EIF2D: variants seen among roughly 807,000 people sequenced by gnomAD.
EIF2D encodes eukaryotic translation initiation factor 2D, also known as hepatocellular carcinoma-associated antigen 56.
Under a neutral mutation model 77.4 loss-of-function variants are expected in EIF2D, and 56 were observed. That is an observed-to-expected ratio of 0.72 (90% CI 0.58 to 0.90). The LOEUF (loss-of-function observed/expected upper bound fraction) is 0.90. Ranked by LOEUF, EIF2D falls within the 40% of genes least tolerant of loss-of-function variation. The pLI is 0.00. For synonymous variants in EIF2D, 230 were observed against 271.0 expected, an observed-to-expected ratio of 0.85 and a Z score of 1.49; for missense variants, 574 against 706.5, an observed-to-expected ratio of 0.81 and a Z score of 2.13.
chr1:206,599,116 G>A lies in EIF2D; in HGVS notation c.1203-24C>T. ...TCCTAGGTGAGGAGAAGTGACCCAG[G>A]GGTTAGTTCATGCTGTGCCATGAGA... On this transcript the variant is annotated intron_variant, in intron 10 of 14. Coordinates refer to ENST00000271764, the MANE Select transcript of EIF2D (RefSeq NM_006893.3). The surrounding 1 kb of genome is among the most constrained non-coding windows in gnomAD (Gnocchi z 4.1). 1 of 1,610,896 alleles carries A rather than the reference G, an allele frequency of 6.2e-7. No homozygotes were observed. Among genetic ancestry groups the A allele is most frequent in the Non-Finnish European group, 8.5e-7 (1 of 1,177,274 alleles).
chr1:206,578,258 G>C (rs1001813248), intron 4 of EIF2D, among the ~76,000 whole-genome samples: 2 of 151,406 alleles, frequency 1.3e-5, no homozygotes, highest in Non-Finnish European at 2.9e-5. Flanking sequence ...GTGTGTGTGT[G>C]TGTGTAAGTA....
chr1:206,583,132 A>T (rs1299233438), intron 2 of EIF2D: 1 of 629,444 alleles, frequency 1.6e-6, no homozygotes, highest in African/African-American at 1.8e-5. Flanking sequence ...TCTCACTCCG[A>T]GTCCGTGCAG....
At chr1:206,597,845 T>G (rs1367454716) in intron 11 of EIF2D, among the ~76,000 whole-genome samples, 1 of 152,156 alleles carries the variant, frequency 6.6e-6, no homozygotes, top group African/African-American at 2.4e-5. Context: ...CTTGGGAGGC[T>G]GAGGCAGGAG....
downstream of EIF2D, chr1:206,587,262 A>C: frequency 2.5e-6 from 1 of 393,448 alleles, no homozygotes. Flanking sequence ...TCACCAACCA[A>C]ATAGTTGCCT....
intron 11 of EIF2D, 74 bp from the exon 12 acceptor site, chr1:206,597,269 T>A: frequency 8.9e-7 from 1 of 1,122,060 alleles, no homozygotes; most frequent in Admixed American, 1.9e-5. Context: ...TCAGGATTCA[T>A]CTCTCGTACG....
intron 3 of EIF2D, 93 bp downstream of exon 3, chr1:206,609,283 C>T: frequency 1.5e-6 from 2 of 1,316,444 alleles, no homozygotes; most frequent in East Asian, 2.3e-5. Context: ...TTTTCAACCA[C>T]AAAAACACAG....
chr1:206,583,326 CAGA>C, intron 2 of EIF2D: 3 of 1,613,596 alleles, frequency 1.9e-6, no homozygotes, highest in Non-Finnish European at 2.5e-6. Context: ...GGAGATCAAG[CAGA>C]AGATCGACAG....
chr1:206,586,509 A>C, intron 2 of EIF2D: 1 of 252,676 alleles, frequency 4.0e-6, no homozygotes, highest in South Asian at 4.7e-5. Flanking sequence ...GCATGTTGGG[A>C]GGCTGGGTGG....
chr1:206,581,764 A>G (rs1419333055), intron 2 of EIF2D, among the ~76,000 whole-genome samples: 1 of 152,140 alleles, frequency 6.6e-6, no homozygotes, highest in Non-Finnish European at 1.5e-5. Flanking sequence ...AGAGCCTGAC[A>G]TTGCATCGGT....
chr1:206,603,068 C>T lies in EIF2D; in HGVS notation c.667G>A (p.Glu223Lys), dbSNP rs1670007263. ...TGGTGAACCTCCCCATTCTCCTCTTCCCCCTCCAGGGTCATGTGCCTCATG... is the reference window on the plus strand; with the variant it reads ...TGGTGAACCTCCCCATTCTCCTCTTTCCCCTCCAGGGTCATGTGCCTCATG... ...GDMRHMTLEG[E>K]EENGEVHQAR... is the part of the protein sequence containing the mutation. Residue 223 changes from glutamate to lysine, a missense_variant, in exon 6 of 15, where the codon GAA becomes AAA. Coordinates refer to ENST00000271764, the MANE Select transcript of EIF2D (RefSeq NM_006893.3). The T allele has an allele frequency of 3.7e-6, 6 of 1,614,078 alleles. No homozygotes were observed. The Admixed American group carries it at 8.3e-5, about 22-fold the overall frequency.
At chr1:206,583,287 G>A in intron 2 of EIF2D, 1 of 1,613,218 alleles carries the variant, frequency 6.2e-7, no homozygotes, top group South Asian at 1.1e-5. Flanking sequence ...TAAACCTGTG[G>A]AGGAGACACA....
chr1:206,594,212 C>T (rs1388483960), intron 13 of EIF2D: 1 of 152,906 alleles, frequency 6.5e-6, no homozygotes, highest in Non-Finnish European at 1.5e-5. Flanking sequence ...AAGCAAACCT[C>T]CCCAGACATC....
intron 2 of EIF2D, chr1:206,583,435 G>T: frequency 8.2e-7 from 1 of 1,217,076 alleles, no homozygotes; most frequent in Non-Finnish European, 1.2e-6. Context: ...CTTCGGGTTT[G>T]GCGCCTCTGC....
rs1202727542 is a variant in EIF2D, at chr1:206,584,857, A to G, written c.139-3695T>C. On this transcript the variant is annotated intron_variant and NMD_transcript_variant, in intron 2 of 5. Coordinates refer to the EIF2D transcript ENST00000472709. The surrounding 1 kb of genome is among the most constrained non-coding windows in gnomAD (Gnocchi z 4.9). ...GGAATCCGGGCAGGGAGGCAAGAGC[A>G]GAGTCCCTGACTCTGCATGTGACTT... The G allele has an allele frequency of 7.3e-6, 5 of 688,242 alleles. No homozygotes were observed. Among genetic ancestry groups the G allele is most frequent in the Non-Finnish European group, 1.2e-5 (5 of 412,424 alleles). The allele number at this position is 688,242 out of a possible 1,614,324, so 42.6% of individuals were successfully genotyped here.
At chr1:206,585,271 G>A in intron 2 of EIF2D, 1 of 1,614,154 alleles carries the variant, frequency 6.2e-7, no homozygotes, top group Admixed American at 1.7e-5. Context: ...TTGTGCTAAA[G>A]GAGAATGAAA....
intron 3 of EIF2D, among the ~76,000 whole-genome samples, chr1:206,608,789 C>T (rs781829684): frequency 2.0e-4 from 31 of 152,360 alleles, no homozygotes; most frequent in Admixed American, 3.9e-4. Context: ...CGGTGGCTCA[C>T]GCCTGTAATC....
At chr1:206,612,143 C>A in intron 1 of EIF2D, 144 bp downstream of exon 1, 1 of 1,048,436 alleles carries the variant, frequency 9.5e-7, no homozygotes, top group Non-Finnish European at 1.5e-6. Flanking sequence ...TCTAACCCAC[C>A]CTTGCCTCCT....
intron 4 of EIF2D, among the ~76,000 whole-genome samples, chr1:206,607,728 T>C (rs143023673): frequency 6.6e-6 from 1 of 152,096 alleles, no homozygotes; most frequent in Admixed American, 6.5e-5. Flanking sequence ...AACAGGAGAC[T>C]AAGGAGACAT....
intron 4 of EIF2D, among the ~76,000 whole-genome samples, chr1:206,580,526 T>C (rs1668829901): frequency 6.6e-6 from 1 of 152,044 alleles, no homozygotes; most frequent in Non-Finnish European, 1.5e-5. Context: ...GCACATCTGG[T>C]CCCATAGACA....
Sources: gnomAD v4.1 joint callset for allele counts (sites outside exome capture counted in the v4.1 genomes callset) on GRCh38, gnomAD v4.1.1 for gene constraint, Gnocchi (gnomAD v3.1) non-coding constraint, MANE v1.5 for transcripts, NCBI Gene and HGNC (gene_info 2026-07-23, HGNC 2026-07-21) for gene names.